ZNF398: variants seen among roughly 807,000 people sequenced by gnomAD.
The protein encoded by ZNF398 is zinc finger DNA binding protein ZER6.
In ZNF398, 18 loss-of-function variants were observed where a neutral mutation model predicts 41.9. That is an observed-to-expected ratio of 0.43 (90% CI 0.30 to 0.64). ZNF398 has a LOEUF of 0.64. ZNF398 is among the 30% of genes least tolerant of loss of function. The pLI, the probability that ZNF398 is intolerant of heterozygous loss-of-function variation, is 0.14. For synonymous variants in ZNF398, 260 were observed against 308.8 expected (o/e 0.84, Z 1.66); for missense variants, 669 against 822.8 (o/e 0.81, Z 2.29).
At chr7:149,130,685 T>A (rs886351709) in intron 2 of ZNF398, among the ~76,000 whole-genome samples, 2 of 152,216 alleles carry the variant, frequency 1.3e-5, no homozygotes, top group Admixed American at 1.3e-4. Context: ...ATGGTGGTGT[T>A]GCTGAAACAC....
intron 1 of ZNF398, among the ~76,000 whole-genome samples, chr7:149,127,972 T>C (rs1826521350): frequency 6.6e-6 from 1 of 152,198 alleles, no homozygotes; most frequent in Non-Finnish European, 1.5e-5. Flanking sequence ...TTAGAAATGG[T>C]ATATAAATGG....
chr7:149,164,210 A>G (rs1012915002), intron 2 of ZNF398, among the ~76,000 whole-genome samples: 1 of 151,526 alleles, frequency 6.6e-6, no homozygotes, highest in African/African-American at 2.4e-5. Context: ...GATCGAGACC[A>G]TCCTGGCTAA....
At chr7:149,148,478 A>G in intron 1 of ZNF398, 1 of 985,554 alleles carries the variant, frequency 1.0e-6, no homozygotes, top group Non-Finnish European at 1.2e-6. Flanking sequence ...TTGCCACCCA[A>G]GAGGTCTTTG....
At position 149,179,661 on chromosome 7, in the gene ZNF398, G is replaced by A; in HGVS notation, c.1789G>A (p.Asp597Asn). 1 of 1,614,236 alleles carries A rather than the reference G, an allele frequency of 6.2e-7. No homozygotes were observed. The highest frequency in any genetic ancestry group is 8.5e-7 in the Non-Finnish European group (1 of 1,180,042). Residue 597 changes from aspartate (D) to asparagine (N), a missense_variant, in exon 6 of 6, where the codon GAT becomes AAT. Asp to Asn is a conservative substitution (Grantham distance 23). Transcript: ENST00000475153. The surrounding 1 kb of genome is among the most constrained non-coding windows in gnomAD (Gnocchi z 6.1). The stretch of plus-strand genomic sequence containing the variant: ...AGGCCACAATGGAGGCTGTGGGGGT[G>A]ATAGTGACCCATCAGGTCAGCCACC... Reference protein sequence around the residue: ...RSGHNGGCGGDSDPSGQPPNP... With the variant: ...RSGHNGGCGGNSDPSGQPPNP...
At chr7:149,151,842 A>G (rs1827123378) in intron 1 of ZNF398, among the ~76,000 whole-genome samples, 2 of 149,776 alleles carry the variant, frequency 1.3e-5, no homozygotes, top group Admixed American at 1.3e-4. Flanking sequence ...GCTGGAGTAC[A>G]GTAGCAGAAT....
intron 1 of ZNF398, among the ~76,000 whole-genome samples, chr7:149,151,455 G>C (rs531897102): frequency 5.6e-4 from 86 of 152,310 alleles, no homozygotes; most frequent in Non-Finnish European, 9.1e-4. Context: ...TCGTCAGAGA[G>C]TGGCTTATCA....
At chr7:149,164,203 C>A (rs937303937) in intron 2 of ZNF398, among the ~76,000 whole-genome samples, 4 of 151,320 alleles carry the variant, frequency 2.6e-5, no homozygotes, top group East Asian at 2.0e-4. Context: ...GTCAGGAGAT[C>A]GAGACCATCC....
intron 5 of ZNF398, among the ~76,000 whole-genome samples, chr7:149,177,156 A>G (rs928465301): frequency 6.6e-6 from 1 of 151,832 alleles, no homozygotes; most frequent in African/African-American, 2.4e-5. Flanking sequence ...GTGTTCTTTT[A>G]GACTGGGAAA....
chr7:149,132,164 A>C (rs1365741752), intron 2 of ZNF398, among the ~76,000 whole-genome samples: 1 of 148,120 alleles, frequency 6.8e-6, no homozygotes, highest in Non-Finnish European at 1.5e-5. Flanking sequence ...TCAATTTATT[A>C]CTCCACCGAC....
intron 2 of ZNF398, among the ~76,000 whole-genome samples, chr7:149,154,650 G>A (rs538469777): frequency 6.6e-6 from 1 of 151,776 alleles, no homozygotes; most frequent in Non-Finnish European, 1.5e-5. Flanking sequence ...TTCTTTCTTC[G>A]TTAACTTGTG....
chr7:149,176,160 A>G (rs541056069), intron 4 of ZNF398, among the ~76,000 whole-genome samples: 6 of 152,030 alleles, frequency 3.9e-5, no homozygotes, highest in African/African-American at 9.6e-5. Flanking sequence ...GTGAAACCCC[A>G]TCTCTACTAA....
chr7:149,134,992 A>G (rs1047984391), intron 2 of ZNF398, among the ~76,000 whole-genome samples: 10 of 152,162 alleles, frequency 6.6e-5, no homozygotes, highest in African/African-American at 2.2e-4. Context: ...CGGCCTCCCA[A>G]AATGCTGGGA....
At chr7:149,141,678 T>C (rs1261837230) in intron 2 of ZNF398, among the ~76,000 whole-genome samples, 1 of 150,464 alleles carries the variant, frequency 6.6e-6, no homozygotes, top group African/African-American at 2.4e-5. Context: ...ATGGTCTGGA[T>C]CTCTTGACCT....
intron 1 of ZNF398, chr7:149,148,173 G>A: frequency 5.2e-6 from 1 of 194,062 alleles, no homozygotes; most frequent in Non-Finnish European, 1.0e-5. Flanking sequence ...TGGCGCGGGC[G>A]GCATTTAAGT....
Position 149,166,141 on chromosome 7 carries a change from T to A in ZNF398, c.421-17T>A, listed in dbSNP as rs1354738980. ...AATTATAATGGAAGGGACTAACCCA[T>A]GTGATTGTAATTTTAGGTGCCTGTG... On this transcript the variant is annotated splice_polypyrimidine_tract_variant and intron_variant, in intron 2 of 5. Transcript: ENST00000475153. The A allele has an allele frequency of 6.2e-7, 1 of 1,612,234 alleles. No homozygotes were observed. The highest frequency in any genetic ancestry group is 8.5e-7 in the Non-Finnish European group (1 of 1,179,070).
At chr7:149,175,598 A>T (rs963889268) in intron 4 of ZNF398, among the ~76,000 whole-genome samples, 1 of 152,204 alleles carries the variant, frequency 6.6e-6, no homozygotes, top group African/African-American at 2.4e-5. Flanking sequence ...CAGAATTGGG[A>T]ATCTGAAAAG....
chr7:149,155,700 TA>T (rs1563159417), intron 2 of ZNF398, among the ~76,000 whole-genome samples: 1,769 of 55,010 alleles, frequency 0.032, 7 homozygotes, highest in Non-Finnish European at 0.041. Flanking sequence ...TATATATATA[TA>T]TATATATTTT....
intron 2 of ZNF398, among the ~76,000 whole-genome samples, chr7:149,156,299 G>C (rs1022388711): frequency 4.0e-5 from 6 of 151,506 alleles, no homozygotes; most frequent in African/African-American, 1.5e-4. Context: ...GAGGTCAGGA[G>C]TTTGAGACCA....
chr7:149,160,867 A>G (rs191505351), intron 2 of ZNF398, among the ~76,000 whole-genome samples: 3 of 151,948 alleles, frequency 2.0e-5, no homozygotes, highest in East Asian at 3.9e-4. Flanking sequence ...TCAGTACCCC[A>G]TATAGTTTTC....
Sources: gnomAD v4.1 joint callset for allele counts (sites outside exome capture counted in the v4.1 genomes callset) on GRCh38, gnomAD v4.1.1 for gene constraint, Gnocchi (gnomAD v3.1) non-coding constraint, MANE v1.5 for transcripts, NCBI Gene and HGNC (gene_info 2026-07-23, HGNC 2026-07-21) for gene names.